The following BRINP3 variants were observed in gnomAD, a reference collection of about 807,000 sequenced individuals.
BRINP3 encodes the protein BMP/retinoic acid-inducible neural-specific protein 3.
In BRINP3, 19 loss-of-function variants were observed where a neutral mutation model predicts 71.0. The ratio of observed to expected loss-of-function variants is 0.27; its 90% CI spans 0.19 to 0.39. BRINP3 has a LOEUF of 0.39. Ranked by LOEUF, BRINP3 falls within the 10% of genes least tolerant of loss-of-function variation. The pLI is 1.00. For missense variants in BRINP3, 959 were observed against 940.8 expected, an observed-to-expected ratio of 1.02 and a Z score of -0.25; for synonymous variants, 380 against 337.7, an observed-to-expected ratio of 1.13 and a Z score of -1.37.
chr1:190,271,273 A>T (rs534814070), intron 3 of BRINP3, among the ~76,000 whole-genome samples: 16 of 151,768 alleles, frequency 1.1e-4, no homozygotes, highest in Non-Finnish European at 1.8e-4. Context: ...TTTTACTGTC[A>T]AACAGATTTG....
chr1:190,353,787 G>GTCTTATAT (rs1668553336), intron 2 of BRINP3, among the ~76,000 whole-genome samples: 1 of 151,920 alleles, frequency 6.6e-6, no homozygotes, highest in African/African-American at 2.4e-5. Flanking sequence ...AGACATGACT[G>GTCTTATAT]TCTTATATTT....
At chr1:190,402,368 G>T (rs1671988583) in intron 2 of BRINP3, among the ~76,000 whole-genome samples, 1 of 151,940 alleles carries the variant, frequency 6.6e-6, no homozygotes, top group South Asian at 2.1e-4. Context: ...AAATATTAAT[G>T]GTGTGTAATA....
chr1:190,419,209 C>A (rs1047002523), intron 2 of BRINP3, among the ~76,000 whole-genome samples: 2 of 151,872 alleles, frequency 1.3e-5, no homozygotes, highest in Non-Finnish European at 1.5e-5. Flanking sequence ...GTTTCAAAAG[C>A]ATTACATTTA....
chr1:190,267,188 G>A (rs960244413), intron 3 of BRINP3, among the ~76,000 whole-genome samples: 4 of 152,024 alleles, frequency 2.6e-5, no homozygotes, highest in Non-Finnish European at 5.9e-5. Flanking sequence ...TAAGAATAGT[G>A]CAAATAAAAC....
chr1:190,308,548 C>T (rs1246641824), intron 2 of BRINP3, among the ~76,000 whole-genome samples: 3 of 151,454 alleles, frequency 2.0e-5, no homozygotes, highest in Non-Finnish European at 4.4e-5. Flanking sequence ...TGCTAAATGA[C>T]GAGTTAATGG....
At chr1:190,310,964 T>C (rs1383736658) in intron 2 of BRINP3, among the ~76,000 whole-genome samples, 1 of 151,750 alleles carries the variant, frequency 6.6e-6, no homozygotes, top group Non-Finnish European at 1.5e-5. Flanking sequence ...GTTACTTAAT[T>C]CCATAACCAG....
intron 2 of BRINP3, among the ~76,000 whole-genome samples, chr1:190,442,473 G>C (rs917109685): frequency 1.3e-5 from 2 of 152,136 alleles, no homozygotes; most frequent in Non-Finnish European, 2.9e-5. Context: ...GATATGCAAA[G>C]CCCAGGCCAT....
At chr1:190,284,591 T>C (rs1663278951) in intron 2 of BRINP3, among the ~76,000 whole-genome samples, 1 of 152,098 alleles carries the variant, frequency 6.6e-6, no homozygotes, top group East Asian at 1.9e-4. Context: ...GGATATGTTT[T>C]CTCTGAATAG....
At chr1:190,325,353 T>C (rs1666510116) in intron 2 of BRINP3, among the ~76,000 whole-genome samples, 2 of 152,016 alleles carry the variant, frequency 1.3e-5, no homozygotes, top group South Asian at 4.1e-4. Context: ...GGAATATCGC[T>C]GCCTATACTA....
chr1:190,140,666 G>C (rs1251121276), intron 7 of BRINP3, among the ~76,000 whole-genome samples: 3 of 152,102 alleles, frequency 2.0e-5, no homozygotes, highest in East Asian at 3.8e-4. Context: ...TAAAGCTGTA[G>C]AATTTGTTTT....
At chr1:190,190,279 A>G (rs982304281) in intron 6 of BRINP3, among the ~76,000 whole-genome samples, 9 of 152,014 alleles carry the variant, frequency 5.9e-5, no homozygotes, top group African/African-American at 1.7e-4. Flanking sequence ...TCCTATGCTC[A>G]TTTCCCTTCT....
chr1:190,434,897 A>C (rs1359105703), intron 2 of BRINP3, among the ~76,000 whole-genome samples: 1 of 152,086 alleles, frequency 6.6e-6, no homozygotes, highest in Non-Finnish European at 1.5e-5. Context: ...CTTTGCCCCT[A>C]ATGTAAAAAT....
At chr1:190,331,350 C>T (rs58597478) in intron 2 of BRINP3, among the ~76,000 whole-genome samples, 2,496 of 152,048 alleles carry the variant, frequency 0.016, 63 homozygotes, top group African/African-American at 0.055. Context: ...CACTTGAAAG[C>T]TTGAACTTAG....
intron 2 of BRINP3, among the ~76,000 whole-genome samples, chr1:190,308,030 C>A (rs990693232): frequency 6.6e-6 from 1 of 151,794 alleles, no homozygotes; most frequent in Non-Finnish European, 1.5e-5. Flanking sequence ...TTTGTATGAC[C>A]TTTCTGTTTG....
chr1:190,334,186 G>A (rs1667141583), intron 2 of BRINP3, among the ~76,000 whole-genome samples: 1 of 151,832 alleles, frequency 6.6e-6, no homozygotes, highest in South Asian at 2.1e-4. Flanking sequence ...AATGGGTGGA[G>A]TGGCAAATAA....
chr1:190,265,230 T>C (rs887477352), intron 3 of BRINP3, among the ~76,000 whole-genome samples, 175 bp from the exon 4 acceptor site: 1 of 152,080 alleles, frequency 6.6e-6, no homozygotes, highest in South Asian at 2.1e-4. Context: ...CCTCAAAAAG[T>C]GCCTGGGATA....
intron 2 of BRINP3, among the ~76,000 whole-genome samples, chr1:190,440,140 T>C (rs188868916): frequency 1.4e-3 from 217 of 152,078 alleles, no homozygotes; most frequent in African/African-American, 5.2e-3. Context: ...AGAAAATCCA[T>C]TCATATGATT....
intron 7 of BRINP3, among the ~76,000 whole-genome samples, chr1:190,146,529 T>G (rs918986485): frequency 2.0e-5 from 3 of 152,142 alleles, no homozygotes; most frequent in Admixed American, 1.3e-4. Context: ...ATCATCATCA[T>G]TATCAAATAG....
intron 3 of BRINP3, among the ~76,000 whole-genome samples, chr1:190,277,087 T>TTATA (rs1222129309): frequency 0.025 from 901 of 35,998 alleles, 60 homozygotes; most frequent in East Asian, 0.077. Flanking sequence ...AATTTTGGTT[T>TTATA]TATATATATA....
Sources: gnomAD v4.1 joint callset for allele counts (sites outside exome capture counted in the v4.1 genomes callset) on GRCh38, gnomAD v4.1.1 for gene constraint, MANE v1.5 for transcripts, NCBI Gene and HGNC (gene_info 2026-07-23, HGNC 2026-07-21) for gene names.